P2RX6: variants seen among roughly 807,000 people sequenced by gnomAD.
P2RX6 encodes the protein P2X purinoceptor 6.
P2RX6 carries 62 observed loss-of-function variants against 54.2 expected under a neutral mutation model. The observed-to-expected ratio is 1.14, with a 90% CI of 0.93 to 1.41. The LOEUF is 1.41. Among genes scored for constraint, P2RX6 ranks in the 40% most tolerant of loss-of-function variants. The pLI is 0.00. For synonymous variants in P2RX6, 211 were observed against 231.9 expected, an observed-to-expected ratio of 0.91 and a Z score of 0.82; for missense variants, 541 against 566.3, an observed-to-expected ratio of 0.96 and a Z score of 0.45.
chr22:21,017,293 G>T (rs1601750444), intron 2 of P2RX6, among the ~76,000 whole-genome samples: 1 of 152,160 alleles, frequency 6.6e-6, no homozygotes, highest in African/African-American at 2.4e-5. Context: ...GCACCATCTG[G>T]CCAGCCCTCA....
rs1928715050 is a variant in P2RX6, at chr22:21,027,959, A to T, written c.*1342A>T. The T allele has an allele frequency of 6.6e-6, 1 of 151,892 alleles. No individual in the cohort carries two copies. Among genetic ancestry groups the T allele is most frequent in the Admixed American group, 6.6e-5 (1 of 15,262 alleles). 9.4% of individuals were successfully genotyped at this position (151,892 alleles called of 1,614,324 possible). On this transcript the variant is annotated 3_prime_UTR_variant, in exon 12 of 12. Coordinates refer to ENST00000413302, the MANE Select transcript of P2RX6 (RefSeq NM_005446.5). ...CCTGATTCTCCTTGGGGCCCAGAGG[A>T]AGCTGATGTCATGGCTGGACAAAGT...
In P2RX6 at chr22:21,016,035, G is replaced by C; in HGVS notation, c.258G>C (p.Gln86His). The part of the protein sequence containing the change: ...ITKLKGVSVT[Q>H]IKELGNRLWD... The stretch of plus-strand genomic sequence containing the variant: ...AACTCAAAGGGGTTTCCGTCACTCA[G>C]ATCAAGGAGCTTGGAAACCGGCTGT... Residue 86 changes from glutamine to histidine, a missense_variant, in exon 2 of 12, where the codon CAG becomes CAC. Gln to His is a conservative substitution (Grantham distance 24). This residue lies in a region of P2RX6 where 526 missense variants were observed against 531.5 expected (regional missense o/e 0.99). Coordinates refer to ENST00000413302, the MANE Select transcript of P2RX6 (RefSeq NM_005446.5). 1 of 1,558,494 alleles carries C rather than the reference G, an allele frequency of 6.4e-7. No homozygotes were observed. The highest frequency in any genetic ancestry group is 1.2e-5 in the South Asian group (1 of 84,470).
upstream of P2RX6, among the ~76,000 whole-genome samples, chr22:21,012,828 G>A (rs149184342): frequency 3.0e-3 from 444 of 149,716 alleles, 2 homozygotes; most frequent in African/African-American, 0.01. Context: ...CTCTCCCAGA[G>A]CCCCCAGCGG....
chr22:21,024,224 G>C (rs994135388), intron 8 of P2RX6, among the ~76,000 whole-genome samples: 2 of 151,158 alleles, frequency 1.3e-5, no homozygotes, highest in Non-Finnish European at 2.9e-5. Context: ...CTCCCGAAGG[G>C]CTAGGATTAC....
Position 21,023,187 on chromosome 22 carries a change from C to G in P2RX6, c.627C>G (p.Phe209Leu), listed in dbSNP as rs758963906. Reference protein sequence around the residue: ...FIKNTVTFSKFNFSKSNALET... With the variant: ...FIKNTVTFSKLNFSKSNALET... The stretch of plus-strand genomic sequence containing the variant: ...AAAACACAGTCACCTTCAGCAAGTT[C>G]AACTTCTCTAAGTAAGCAGAGTGGG... The change falls in exon 6 of 12, where the codon TTC becomes TTG. Residue 209 changes from phenylalanine to leucine, a missense_variant. Physicochemically the swap from Phe to Leu is conservative, Grantham distance 22. Around this residue, in one of 2 missense-constraint regions of P2RX6, gnomAD observed 526 missense variants for 531.5 expected, o/e 0.99. Transcript: ENST00000413302. 6.2e-7 allele frequency: 1 copy of G among 1,613,962 alleles called. No individual in the cohort carries two copies. The highest frequency in any genetic ancestry group is 8.5e-7 in the Non-Finnish European group (1 of 1,179,884).
At chr22:21,020,819 T>C (rs1927254516) in intron 3 of P2RX6, among the ~76,000 whole-genome samples, 3 of 151,984 alleles carry the variant, frequency 2.0e-5, no homozygotes, top group Non-Finnish European at 2.9e-5. Flanking sequence ...CTCAAACTCC[T>C]GACCTCAGGT....
At chr22:21,015,399 T>C in intron 1 of P2RX6, 61 bp downstream of exon 1, 2 of 1,497,104 alleles carry the variant, frequency 1.3e-6, no homozygotes, top group African/African-American at 2.9e-5. Flanking sequence ...GGGGTGGGGC[T>C]TGGTCCTGCT....
At position 21,026,944 on chromosome 22, in the gene P2RX6, T is replaced by G. The variant is rs764627241; in HGVS notation, c.*327T>G. 19 of 402,136 alleles carry G rather than the reference T, an allele frequency of 4.7e-5. No homozygotes were observed. The highest frequency in any genetic ancestry group is 7.8e-5 in the Admixed American group (2 of 25,558). 24.9% of individuals were successfully genotyped at this position (402,136 alleles called of 1,614,324 possible). A position where few individuals can be genotyped will look rare whatever the true frequency, so the allele number is the denominator to read the frequency against. On this transcript the variant is annotated 3_prime_UTR_variant, in exon 12 of 12. Transcript: ENST00000413302. This position sits in a 1 kb window ranked among gnomAD's most constrained non-coding sequence, Gnocchi z 4.0. ...CTCTCTCCCAGTGCTCTGTCCCCAG[T>G]GTTCCTAGCAGAGGTATGCTTACCA...
At chr22:21,018,368 A>C (rs537172209) in intron 3 of P2RX6, 1 of 396,490 alleles carries the variant, frequency 2.5e-6, no homozygotes, top group East Asian at 5.9e-5. Flanking sequence ...AGCAGTTCCC[A>C]TGAGGTGTCC....
chr22:21,012,339 A>G (rs1002641835), upstream of P2RX6, among the ~76,000 whole-genome samples: 2 of 152,178 alleles, frequency 1.3e-5, no homozygotes, highest in Admixed American at 1.3e-4. Context: ...ACTTGTATCC[A>G]GCATCAGCTG....
rs1338870785 is a variant in P2RX6, at chr22:21,023,498, G to A, written c.781-11G>A. On this transcript the variant is annotated splice_polypyrimidine_tract_variant and intron_variant, in intron 7 of 11. Transcript: ENST00000413302. ...CCACCCACCGGTGGAAAAGCTATGT[G>A]CTATGTGCAGGGTGGCTCTGTAGGC... 1 of 1,613,676 alleles carries A rather than the reference G, an allele frequency of 6.2e-7. No individual in the cohort carries two copies. Among genetic ancestry groups the A allele is most frequent in the African/African-American group, 1.3e-5 (1 of 75,036 alleles).
chr22:21,025,329 T>C (rs569975155), intron 8 of P2RX6, among the ~76,000 whole-genome samples: 133 of 152,132 alleles, frequency 8.7e-4, no homozygotes, highest in Admixed American at 2.2e-3. Flanking sequence ...CATAGCTCAC[T>C]GCACCCCGTC....
chr22:21,017,205 C>G lies in P2RX6; in HGVS notation c.316-784C>G, dbSNP rs200861683. On this transcript the variant is annotated intron_variant, in intron 2 of 11. Coordinates refer to ENST00000413302, the MANE Select transcript of P2RX6 (RefSeq NM_005446.5). Reference sequence around the variant, plus strand: ...TCATGAGAGCCTGCAGCGCCTGCTTCTACCCTCAGGAATTCCCCCAACCCT... The same window carrying G: ...TCATGAGAGCCTGCAGCGCCTGCTTGTACCCTCAGGAATTCCCCCAACCCT... Among the ~76,000 whole-genome samples the G allele has an allele frequency of 1.8e-4, 28 of 152,320 alleles. No homozygotes were observed. In the East Asian group the frequency reaches 4.4e-3, roughly 24 times the overall value.
intron 8 of P2RX6, among the ~76,000 whole-genome samples, chr22:21,024,509 C>T (rs1322474268): frequency 6.6e-6 from 1 of 152,180 alleles, no homozygotes; most frequent in Admixed American, 6.5e-5. Context: ...ATCTCTTGAC[C>T]TCGTGATCCA....
rs1447450781 is a variant in P2RX6 at position 21,026,830 on chromosome 22, G to A, written c.*213G>A. On this transcript the variant is annotated 3_prime_UTR_variant, in exon 12 of 12. Coordinates refer to ENST00000413302, the MANE Select transcript of P2RX6 (RefSeq NM_005446.5). The surrounding 1 kb of genome is among the most constrained non-coding windows in gnomAD (Gnocchi z 4.0). Reference sequence around the variant, plus strand: ...TTGAGACGGCGACAGAACCTGACCCGTGGAGACTGGGAGAGCCCAGCAGGC... The same window carrying A: ...TTGAGACGGCGACAGAACCTGACCCATGGAGACTGGGAGAGCCCAGCAGGC... 2.7e-5 allele frequency: 27 copies of A among 1,012,342 alleles called. No homozygotes were observed. The highest frequency in any genetic ancestry group is 6.5e-4 in the Middle Eastern group (2 of 3,062). The allele number at this position is 1,012,342 out of a possible 1,614,324, so 62.7% of individuals were successfully genotyped here.
chr22:21,018,055 C>T lies in P2RX6; in HGVS notation c.382C>T (p.Pro128Ser), dbSNP rs564945525. ...GCCAGCCCAAGTTCAGGGCAGATGC[C>T]CAGAGGTGAGTTTACCCAGGATCCT... ...VTPAQVQGRC[P>S]EHPSVPLANC... The change falls in exon 3 of 12, where the codon CCA becomes TCA. Residue 128 changes from proline to serine, a missense_variant. Around this residue, in one of 2 missense-constraint regions of P2RX6, gnomAD observed 526 missense variants for 531.5 expected, o/e 0.99. Coordinates refer to ENST00000413302, the MANE Select transcript of P2RX6 (RefSeq NM_005446.5). 4 of 1,610,566 alleles carry T rather than the reference C, an allele frequency of 2.5e-6. No individual in the cohort carries two copies. The African/African-American group carries it at 4.0e-5, about 16-fold the overall frequency.
Position 21,026,598 on chromosome 22 carries a change from C to G in P2RX6, c.1307C>G (p.Thr436Ser). The change falls in exon 12 of 12, where the codon ACC becomes AGC. Residue 436 changes from threonine to serine, a missense_variant. Thr to Ser is a moderately conservative substitution (Grantham distance 58). Transcript: ENST00000413302. The surrounding 1 kb of genome is among the most constrained non-coding windows in gnomAD (Gnocchi z 4.0). ...PCPSSDTHLPTHSGSL is the reference protein window; with the variant it reads ...PCPSSDTHLPSHSGSL ...CCAAGTTCTGACACCCACTTGCCAA[C>G]CCATTCCGGGAGCCTGTAGCCGTTC... 1.3e-6 allele frequency: 2 copies of G among 1,587,318 alleles called. No individual in the cohort carries two copies. Among genetic ancestry groups the G allele is most frequent in the Non-Finnish European group, 1.7e-6 (2 of 1,167,942 alleles).
At chr22:21,022,551 G>C (rs1051327477) in intron 3 of P2RX6, 125 bp from the exon 4 acceptor site, 7 of 632,948 alleles carry the variant, frequency 1.1e-5, no homozygotes, top group Non-Finnish European at 1.6e-5. Context: ...CGGCGGGGTG[G>C]TGAGGTTGTT....
At position 21,015,232 on chromosome 22, in the gene P2RX6, T is replaced by C. The variant is rs200210866; in HGVS notation, c.58T>C (p.Trp20Arg). 6.5e-7 allele frequency: 1 copy of C among 1,537,646 alleles called. No homozygotes were observed. Among genetic ancestry groups the C allele is most frequent in the African/African-American group, 1.4e-5 (1 of 69,288 alleles). Residue 20 changes from tryptophan to arginine, a missense_variant, in exon 1 of 12, where the codon TGG (tryptophan) becomes CGG (arginine). By Grantham distance (101) the Trp-to-Arg change is moderately radical (BLOSUM62 -3). Around this residue, in one of 2 missense-constraint regions of P2RX6, gnomAD observed 15 missense variants for 34.8 expected, o/e 0.43. Transcript: ENST00000413302. Reference protein sequence around the residue: ...SMGSPGATTGWGLLDYKTEKY... With the variant: ...SMGSPGATTGRGLLDYKTEKY... ...GGGCTCCCCAGGGGCTACGACAGGC[T>C]GGGGGCTTCTGGATTATAAGACGGA...
Sources: gnomAD v4.1 joint callset for allele counts (sites outside exome capture counted in the v4.1 genomes callset) on GRCh38, gnomAD v4.1.1 for gene constraint, gnomAD v4.1.1 regional missense constraint, Gnocchi (gnomAD v3.1) non-coding constraint, MANE v1.5 for transcripts, NCBI Gene and HGNC (gene_info 2026-07-23, HGNC 2026-07-21) for gene names.